The following CECR2 variants were observed in gnomAD, a reference collection of about 807,000 sequenced individuals.
CECR2 encodes the protein CECR2 histone acetyl-lysine reader, also known as chromatin remodeling regulator CECR2.
A neutral mutation model predicts 154.5 loss-of-function variants in CECR2; 30 were observed. The ratio of observed to expected loss-of-function variants is 0.19; its 90% CI spans 0.15 to 0.26. The LOEUF (loss-of-function observed/expected upper bound fraction) is 0.26. Ranked by LOEUF, CECR2 falls within the 10% of genes least tolerant of loss-of-function variation. CECR2 has a pLI of 1.00. For missense variants in CECR2, 1,743 were observed against 1,829.3 expected (o/e 0.95, Z 0.86); for synonymous variants, 725 against 683.7 (o/e 1.06, Z -0.94).
At chr22:17,522,704 T>C (rs1601509098) in intron 8 of CECR2, among the ~76,000 whole-genome samples, 1 of 152,164 alleles carries the variant, frequency 6.6e-6, no homozygotes, top group Admixed American at 6.6e-5. Flanking sequence ...GAAAATGACA[T>C]TGAGAAGTCA....
intron 1 of CECR2, among the ~76,000 whole-genome samples, chr22:17,454,551 G>A (rs2054823432): frequency 6.7e-6 from 1 of 150,370 alleles, no homozygotes; most frequent in Non-Finnish European, 1.5e-5. Context: ...CTTGCAGTGA[G>A]CTGAGATCGC....
chr22:17,549,037 G>A lies in CECR2; in HGVS notation c.3750G>A (p.Glu1250=), dbSNP rs1233296985. The part of the protein sequence containing the change: ...KNAMASLQGC[E]TLNAALTSPT... ...CCATGGCCAGTCTGCAAGGCTGTGAGACACTGAATGCTGCCTTAACTTCTC... is the reference window on the plus strand; with the variant it reads ...CCATGGCCAGTCTGCAAGGCTGTGAAACACTGAATGCTGCCTTAACTTCTC... The change falls in exon 17 of 19, where the codon GAG becomes GAA. Residue 1250 remains glutamate, a synonymous_variant. Transcript: ENST00000262608. 1.2e-6 allele frequency: 2 copies of A among 1,614,008 alleles called. No individual in the cohort carries two copies.
intron 1 of CECR2, among the ~76,000 whole-genome samples, chr22:17,443,959 G>T (rs558655864): frequency 9.2e-5 from 14 of 152,278 alleles, no homozygotes; most frequent in African/African-American, 2.9e-4. Flanking sequence ...TAAAGGCAAG[G>T]TTGTTTAGAT....
chr22:17,368,654 T>A (rs1363950398), upstream of CECR2, among the ~76,000 whole-genome samples: 6 of 152,068 alleles, frequency 3.9e-5, no homozygotes, highest in Non-Finnish European at 1.5e-5. Context: ...CTTCCCGATC[T>A]CCTCTGCCCC....
At chr22:17,523,747 C>T (rs1375046791) in intron 8 of CECR2, among the ~76,000 whole-genome samples, 1 of 121,858 alleles carries the variant, frequency 8.2e-6, no homozygotes, top group Non-Finnish European at 1.6e-5. Context: ...CAGAGCGAGA[C>T]TCTATCTCAA....
Position 17,477,061 on chromosome 22 carries a change from C to T in CECR2, c.127-527C>T, listed in dbSNP as rs1476878925. Reference sequence around the variant, plus strand: ...CCTTTCATCAGCCATGTAGGTGTGGCATCCCAAAATAAAAATTGTCATTAT... The same window carrying T: ...CCTTTCATCAGCCATGTAGGTGTGGTATCCCAAAATAAAAATTGTCATTAT... On this transcript the variant is annotated intron_variant, in intron 1 of 18. Coordinates refer to ENST00000262608, the MANE Select transcript of CECR2 (RefSeq NM_001290047.2). 3 of 712,388 alleles carry T rather than the reference C, an allele frequency of 4.2e-6. No homozygotes were observed. The Admixed American group carries it at 6.1e-5, about 14-fold the overall frequency. 44.1% of individuals were successfully genotyped at this position (712,388 alleles called of 1,614,324 possible). A position where few individuals can be genotyped will look rare whatever the true frequency, so the allele number is the denominator to read the frequency against.
At chr22:17,493,231 C>T (rs1206935186) in intron 2 of CECR2, among the ~76,000 whole-genome samples, 1 of 152,182 alleles carries the variant, frequency 6.6e-6, no homozygotes, top group Non-Finnish European at 1.5e-5. Flanking sequence ...CTCGGCCTCC[C>T]AAAGTGCTGG....
intron 2 of CECR2, among the ~76,000 whole-genome samples, chr22:17,495,117 G>A (rs1035203890): frequency 6.6e-6 from 1 of 152,156 alleles, no homozygotes; most frequent in African/African-American, 2.4e-5. Flanking sequence ...ATTTTAAAAT[G>A]ATACCAATAA....
At chr22:17,500,759 G>GGAC (rs1377637633) in intron 5 of CECR2, 24 bp downstream of exon 5, 2 of 1,472,446 alleles carry the variant, frequency 1.4e-6, no homozygotes, top group South Asian at 2.5e-5. Flanking sequence ...GTTAGTTGTG[G>GGAC]TCATAGACCA....
Position 17,463,711 on chromosome 22 carries a change from C to T in CECR2, c.127-13877C>T, listed in dbSNP as rs2054980247. Among the ~76,000 whole-genome samples the T allele has an allele frequency of 2.6e-5, 4 of 151,700 alleles. No individual in the cohort carries two copies. The South Asian group carries it at 6.2e-4, about 24-fold the overall frequency. ...TGACATTCATTGCTGACGTCGGGGA[C>T]GGGCACTGGGATAAGGGGACTCCGG... On this transcript the variant is annotated intron_variant, in intron 1 of 18. Transcript: ENST00000262608.
chr22:17,465,780 G>C (rs2055022532), intron 1 of CECR2, among the ~76,000 whole-genome samples: 1 of 152,110 alleles, frequency 6.6e-6, no homozygotes, highest in Non-Finnish European at 1.5e-5. Context: ...ATCACGCCCA[G>C]CCTAATTTTT....
intron 6 of CECR2, 120 bp downstream of exon 6, chr22:17,503,251 C>T: frequency 1.2e-6 from 1 of 811,276 alleles, no homozygotes. Context: ...CTTTTACCTA[C>T]CCCCTGTACT....
At chr22:17,547,869 C>T (rs1337388174) in intron 16 of CECR2, among the ~76,000 whole-genome samples, 2 of 152,164 alleles carry the variant, frequency 1.3e-5, no homozygotes, top group Non-Finnish European at 1.5e-5. Context: ...CAGCCTCTTA[C>T]GAATCGGGCA....
At position 17,552,774 on chromosome 22, in the gene CECR2, G is replaced by GTTTTTTTTTTTGTT. The variant is rs1555944495; in HGVS notation, c.4390-50_4390-49insGTTTTTTTTTTTTT. ...CTTGGACATTCTTTGGCTTACTTAA[G>GTTTTTTTTTTTGTT]TTTTTTTTTTTTTAACAACCCAATT... On this transcript the variant is annotated intron_variant, in intron 18 of 18. Coordinates refer to ENST00000262608, the MANE Select transcript of CECR2 (RefSeq NM_001290047.2). 221 of 943,684 alleles carry GTTTTTTTTTTTGTT rather than the reference G, an allele frequency of 2.3e-4. 2 individuals carry two copies. The African/African-American group carries it at 4.7e-3, about 20-fold the overall frequency. The allele number at this position is 943,684 out of a possible 1,614,324, so 58.5% of individuals were successfully genotyped here. A position where few individuals can be genotyped will look rare whatever the true frequency, so the allele number is the denominator to read the frequency against.
At chr22:17,377,668 T>C (rs1218679966) in intron 1 of CECR2, among the ~76,000 whole-genome samples, 1 of 152,234 alleles carries the variant, frequency 6.6e-6, no homozygotes, top group African/African-American at 2.4e-5. Context: ...CATTTGCTAT[T>C]ATAACCTTTT....
At chr22:17,551,771 A>G (rs1211531645) in intron 17 of CECR2, among the ~76,000 whole-genome samples, 1 of 152,074 alleles carries the variant, frequency 6.6e-6, no homozygotes, top group African/African-American at 2.4e-5. Flanking sequence ...ACATTCTAAC[A>G]GGGTGACAGA....
intron 6 of CECR2, 83 bp downstream of exon 6, chr22:17,503,214 A>AT (rs1399613475): frequency 7.5e-7 from 1 of 1,327,570 alleles, no homozygotes; most frequent in Non-Finnish European, 1.1e-6. Context: ...TTCTAGAGTC[A>AT]TACAAAGTAA....
At chr22:17,498,528 C>CA (rs1317617153) in intron 3 of CECR2, among the ~76,000 whole-genome samples, 1 of 152,050 alleles carries the variant, frequency 6.6e-6, no homozygotes, top group African/African-American at 2.4e-5. Context: ...TGGTTATGGG[C>CA]ACATTATAAA....
rs546475541 is a variant in CECR2 at position 17,543,967 on chromosome 22, T to C, written c.2860+964T>C. 2.6e-5 allele frequency among the ~76,000 whole-genome samples: 4 copies of C among 152,334 alleles called. 1 individual carries two copies. The highest frequency in any genetic ancestry group is 4.1e-4 in the South Asian group (2 of 4,826). On this transcript the variant is annotated intron_variant, in intron 16 of 18. Transcript: ENST00000262608. Reference sequence around the variant, plus strand: ...GGCATGGAAATGTTAGATTATTTGCTCTCAGCCAGCTAGTAAGTAGCAGAG... The same window carrying C: ...GGCATGGAAATGTTAGATTATTTGCCCTCAGCCAGCTAGTAAGTAGCAGAG...
Sources: gnomAD v4.1 joint callset for allele counts (sites outside exome capture counted in the v4.1 genomes callset) on GRCh38, gnomAD v4.1.1 for gene constraint, MANE v1.5 for transcripts, NCBI Gene and HGNC (gene_info 2026-07-23, HGNC 2026-07-21) for gene names.